The following PRUNE2 variants were observed in gnomAD, a reference collection of about 807,000 sequenced individuals.
PRUNE2 encodes protein prune homolog 2.
Under a neutral mutation model 252.0 loss-of-function variants are expected in PRUNE2, and 164 were observed. That is an observed-to-expected ratio of 0.65 (90% CI 0.57 to 0.74). The LOEUF (loss-of-function observed/expected upper bound fraction) is 0.74, where lower values mean the gene tolerates loss of function less well. Ranked by LOEUF, PRUNE2 falls within the 30% of genes least tolerant of loss-of-function variation. The pLI, the probability that PRUNE2 is intolerant of heterozygous loss-of-function variation, is 0.00. For synonymous variants in PRUNE2, 1,292 were observed against 1,350.2 expected (o/e 0.96, Z 0.94); for missense variants, 3,495 against 3,711.0 (o/e 0.94, Z 1.51).
At chr9:76,896,385 G>C (rs767768328) in intron 1 of PRUNE2, among the ~76,000 whole-genome samples, 6 of 152,150 alleles carry the variant, frequency 3.9e-5, no homozygotes, top group Non-Finnish European at 8.8e-5. Flanking sequence ...CTGATGATAG[G>C]TTTTCAATAA....
intron 18 of PRUNE2, among the ~76,000 whole-genome samples, chr9:76,614,909 A>G (rs1002847784): frequency 1.3e-5 from 2 of 150,788 alleles, no homozygotes; most frequent in Non-Finnish European, 3.0e-5. Flanking sequence ...TAAGATAAGG[A>G]GCATTAGTGT....
intron 9 of PRUNE2, among the ~76,000 whole-genome samples, chr9:76,674,045 T>C (rs1250593828): frequency 1.3e-5 from 2 of 151,960 alleles, no homozygotes; most frequent in Non-Finnish European, 2.9e-5. Flanking sequence ...GTGTTGGAAG[T>C]TCTGGCCAGG....
At chr9:76,794,042 GT>G (rs1478389418) in intron 6 of PRUNE2, among the ~76,000 whole-genome samples, 4 of 151,934 alleles carry the variant, frequency 2.6e-5, no homozygotes, top group African/African-American at 9.7e-5. Flanking sequence ...AGCCAAGCAG[GT>G]TTTTTTTATT....
At chr9:76,695,039 T>C (rs542781191) in intron 9 of PRUNE2, among the ~76,000 whole-genome samples, 5 of 151,204 alleles carry the variant, frequency 3.3e-5, no homozygotes, top group Non-Finnish European at 7.4e-5. Context: ...TAAAAAAAGT[T>C]ATTATTATTA....
intron 9 of PRUNE2, among the ~76,000 whole-genome samples, chr9:76,687,889 G>A (rs149775590): frequency 2.0e-5 from 3 of 152,332 alleles, no homozygotes; most frequent in Non-Finnish European, 2.9e-5. Flanking sequence ...CTCCAGATGC[G>A]GGGGTAGAGT....
intron 6 of PRUNE2, among the ~76,000 whole-genome samples, chr9:76,716,657 T>C (rs1401378671): frequency 6.6e-6 from 1 of 152,044 alleles, no homozygotes; most frequent in East Asian, 1.9e-4. Flanking sequence ...CAGAATGGTA[T>C]AGGTATGTTT....
intron 4 of PRUNE2, among the ~76,000 whole-genome samples, chr9:76,829,854 C>A (rs1182244197): frequency 6.6e-6 from 1 of 151,942 alleles, no homozygotes; most frequent in Admixed American, 6.6e-5. Context: ...TCATCATCTC[C>A]ACATTTTTCA....
intron 4 of PRUNE2, among the ~76,000 whole-genome samples, chr9:76,837,802 T>A (rs561863527): frequency 8.0e-5 from 12 of 149,704 alleles, no homozygotes; most frequent in Non-Finnish European, 1.5e-4. Flanking sequence ...GACGGAGTCT[T>A]GCTCTGTCGC....
intron 6 of PRUNE2, among the ~76,000 whole-genome samples, chr9:76,789,548 A>C (rs2055352862): frequency 6.6e-6 from 1 of 152,168 alleles, no homozygotes; most frequent in Admixed American, 6.5e-5. Flanking sequence ...GCAATATTCA[A>C]AACAGAGACG....
At position 76,765,488 on chromosome 9, in the gene PRUNE2, T is replaced by C. The variant is rs79201874; in HGVS notation, c.757-51767A>G. 9.2e-4 allele frequency among the ~76,000 whole-genome samples: 140 copies of C among 152,330 alleles called. 1 individual carries two copies. In the East Asian group the frequency reaches 0.022, roughly 24 times the overall value. ...ACTGAGGTAAGGAAGGCATACAGAA[T>C]AGAGACAGGCACTATAAACAGCTCT... On this transcript the variant is annotated intron_variant, in intron 6 of 18. Coordinates refer to ENST00000376718, the MANE Select transcript of PRUNE2 (RefSeq NM_015225.3).
At chr9:76,681,616 C>G (rs2043446470) in intron 9 of PRUNE2, among the ~76,000 whole-genome samples, 2 of 142,206 alleles carry the variant, frequency 1.4e-5, no homozygotes, top group Non-Finnish European at 3.1e-5. Flanking sequence ...GGGTGCCCAC[C>G]CAGGTGCACT....
At chr9:76,640,531 G>A (rs1842126232) in intron 12 of PRUNE2, among the ~76,000 whole-genome samples, 1 of 151,928 alleles carries the variant, frequency 6.6e-6, no homozygotes, top group Admixed American at 6.6e-5. Flanking sequence ...TGCAACACAT[G>A]TTTGTGAGAG....
Position 76,652,294 on chromosome 9 carries a change from T to A in PRUNE2, c.8557+189A>T. ...GTTAATAAAGAGCAATGGTTATGTA[T>A]GGCCTCTGTGACCCATACTTTCTCT... On this transcript the variant is annotated intron_variant, in intron 11 of 18. Coordinates refer to ENST00000376718, the MANE Select transcript of PRUNE2 (RefSeq NM_015225.3). The A allele has an allele frequency of 5.1e-6, 3 of 583,470 alleles. No individual in the cohort carries two copies. The South Asian group carries it at 6.4e-5, about 13-fold the overall frequency. The allele number at this position is 583,470 out of a possible 1,614,324, so 36.1% of individuals were successfully genotyped here.
chr9:76,788,235 G>A (rs2055205178), intron 6 of PRUNE2: 1 of 533,832 alleles, frequency 1.9e-6, no homozygotes, highest in Non-Finnish European at 3.3e-6. Context: ...AGACATAAGA[G>A]TCAAAACACC....
At chr9:76,880,113 C>A (rs1421707010) in intron 1 of PRUNE2, among the ~76,000 whole-genome samples, 1 of 151,582 alleles carries the variant, frequency 6.6e-6, no homozygotes, top group Non-Finnish European at 1.5e-5. Flanking sequence ...CAGAGTTTCA[C>A]CGTGTTAGCC....
chr9:76,858,001 G>C (rs2060348860), intron 1 of PRUNE2, among the ~76,000 whole-genome samples: 2 of 152,136 alleles, frequency 1.3e-5, no homozygotes, highest in Non-Finnish European at 2.9e-5. Flanking sequence ...GAGACTCTCA[G>C]GTGCCCAATC....
intron 6 of PRUNE2, among the ~76,000 whole-genome samples, chr9:76,717,356 T>C (rs1478446060): frequency 6.6e-6 from 1 of 152,334 alleles, no homozygotes; most frequent in Non-Finnish European, 1.5e-5. Flanking sequence ...TTTATTATTG[T>C]CTTCTAGCTA....
At chr9:76,819,453 A>G (rs1478015465) in intron 6 of PRUNE2, 1 of 152,216 alleles carries the variant, frequency 6.6e-6, no homozygotes, top group African/African-American at 2.4e-5. Flanking sequence ...GGGGACAGGC[A>G]TGGAGCAGAT....
At position 76,854,804 on chromosome 9, in the gene PRUNE2, C is replaced by T. The variant is rs182228309; in HGVS notation, c.37-596G>A. Among the ~76,000 whole-genome samples the T allele has an allele frequency of 4.3e-3, 653 of 152,012 alleles. 4 individuals carry two copies. The highest frequency in any genetic ancestry group is 0.015 in the African/African-American group (640 of 41,464). ...AGTCAGCCGGGCGTGGTGGCTCACG[C>T]CTGTAATCCCAGCACTTTAGGAGGC... On this transcript the variant is annotated intron_variant, in intron 1 of 18. Transcript: ENST00000376718.
Sources: gnomAD v4.1 joint callset for allele counts (sites outside exome capture counted in the v4.1 genomes callset) on GRCh38, gnomAD v4.1.1 for gene constraint, MANE v1.5 for transcripts, NCBI Gene and HGNC (gene_info 2026-07-23, HGNC 2026-07-21) for gene names.